PCDHA5: variants seen among roughly 807,000 people sequenced by gnomAD.
PCDHA5 encodes protocadherin alpha-5.
In PCDHA5, 43 loss-of-function variants were observed where a neutral mutation model predicts 61.6. The observed-to-expected ratio is 0.70, with a 90% CI of 0.55 to 0.90. The LOEUF is 0.90. PCDHA5 is among the 40% of genes least tolerant of loss of function. PCDHA5 has a pLI of 0.00. For missense variants in PCDHA5, 1,298 were observed against 1,222.7 expected (o/e 1.06, Z -0.92); for synonymous variants, 627 against 543.9 (o/e 1.15, Z -2.13).
chr5:140,959,373 C>CA lies in PCDHA5; in HGVS notation c.2353-19566dup, dbSNP rs1243465116. Among the ~76,000 whole-genome samples the CA allele has an allele frequency of 8.3e-3, 1,208 of 145,190 alleles. 7 individuals carry two copies. Among genetic ancestry groups the CA allele is most frequent in the Admixed American group, 0.016 (228 of 14,544 alleles). ...GGGACAACTGAGTGAGACCCTGTCT[C>CA]AAAAAAAAAAGTCACAAATTAAGAT... On this transcript the variant is annotated intron_variant, in intron 1 of 3. Coordinates refer to ENST00000529859, the MANE Select transcript of PCDHA5 (RefSeq NM_018908.3).
In PCDHA5 at chr5:140,824,072, C is replaced by T; in HGVS notation, c.2297C>T (p.Thr766Ile). 1 of 1,614,254 alleles carries T rather than the reference C, an allele frequency of 6.2e-7. No homozygotes were observed. The highest frequency in any genetic ancestry group is 8.5e-7 in the Non-Finnish European group (1 of 1,180,044). ...RVCSGEAPPK[T>I]DLMAFSPSLP... ...TGCTCTGGGGAAGCTCCACCCAAAA[C>T]AGACCTCATGGCCTTCAGTCCAAGC... Residue 766 changes from threonine to isoleucine, a missense_variant, in exon 1 of 4, where the codon ACA becomes ATA. Coordinates refer to ENST00000529859, the MANE Select transcript of PCDHA5 (RefSeq NM_018908.3).
At chr5:140,958,998 C>T (rs868985322) in intron 1 of PCDHA5, among the ~76,000 whole-genome samples, 5 of 151,906 alleles carry the variant, frequency 3.3e-5, no homozygotes, top group South Asian at 2.1e-4. Flanking sequence ...TAATCTTTTA[C>T]TGTACCTAAT....
At chr5:140,902,066 T>C (rs2069077660) in intron 1 of PCDHA5, among the ~76,000 whole-genome samples, 1 of 152,202 alleles carries the variant, frequency 6.6e-6, no homozygotes, top group Admixed American at 6.5e-5. Flanking sequence ...GCAACTTTAC[T>C]GAATTTATTG....
intron 1 of PCDHA5, chr5:140,870,601 G>A (rs1554164453): frequency 1.2e-6 from 2 of 1,613,228 alleles, no homozygotes; most frequent in Admixed American, 1.7e-5. Context: ...GCGGTTGGGC[G>A]ACCGCGCGCT....
At chr5:140,962,295 A>G (rs1215334325) in intron 1 of PCDHA5, among the ~76,000 whole-genome samples, 2 of 152,196 alleles carry the variant, frequency 1.3e-5, no homozygotes, top group African/African-American at 4.8e-5. Flanking sequence ...TTAATATTCT[A>G]TGATTCTTGT....
rs144574743 is a variant in PCDHA5, at chr5:140,848,603, G to C, written c.2352+24476G>C. ...GCGGCCAGCTCCACTACTCCGTCCCGGAGGAAGCCGAACACGGCACCTTCG... is the reference window on the plus strand; with the variant it reads ...GCGGCCAGCTCCACTACTCCGTCCCCGAGGAAGCCGAACACGGCACCTTCG... On this transcript the variant is annotated intron_variant, in intron 1 of 3. Transcript: ENST00000529859. 5,441 of 1,581,086 alleles carry C rather than the reference G, an allele frequency of 3.4e-3. 700 individuals are homozygous for C. Among genetic ancestry groups the C allele is most frequent in the Middle Eastern group, 0.011 (64 of 5,726 alleles).
At chr5:140,994,163 G>A (rs2097601451) in intron 3 of PCDHA5, among the ~76,000 whole-genome samples, 1 of 152,200 alleles carries the variant, frequency 6.6e-6, no homozygotes, top group African/African-American at 2.4e-5. Flanking sequence ...CAACGAAGGG[G>A]AAGGAAGCTG....
chr5:140,983,228 A>G (rs1012242202), intron 3 of PCDHA5, among the ~76,000 whole-genome samples: 1 of 152,240 alleles, frequency 6.6e-6, no homozygotes, highest in South Asian at 2.1e-4. Flanking sequence ...CCAAACTTTC[A>G]GGAAAGAGAA....
In PCDHA5 at chr5:140,848,769, C is replaced by A. The variant is rs2150419947; in HGVS notation, c.2352+24642C>A. On this transcript the variant is annotated intron_variant, in intron 1 of 3. Coordinates refer to ENST00000529859, the MANE Select transcript of PCDHA5 (RefSeq NM_018908.3). ...TTTGTTTGTGAATTCTCGGATCGAC[C>A]GCGAGGAGCTGTGCGGGCGGAGCGC... 9.6e-5 allele frequency: 153 copies of A among 1,593,410 alleles called. 12 individuals are homozygous for A. The Admixed American group carries it at 1.9e-3, about 20-fold the overall frequency.
intron 1 of PCDHA5, among the ~76,000 whole-genome samples, chr5:140,932,592 T>C (rs1435571468): frequency 7.2e-5 from 11 of 151,922 alleles, no homozygotes; most frequent in Non-Finnish European, 2.9e-5. Context: ...AGATGTTTTG[T>C]ATATCTATTT....
rs571034520 is a variant in PCDHA5 at position 140,922,140 on chromosome 5, A to G, written c.2353-56809A>G. ...CACCTTTAAATGTCTCTTATCCTCC[A>G]TGAAACTCATCAAAAACAACAAAAA... On this transcript the variant is annotated intron_variant, in intron 1 of 3. Coordinates refer to ENST00000529859, the MANE Select transcript of PCDHA5 (RefSeq NM_018908.3). Among the ~76,000 whole-genome samples the G allele has an allele frequency of 6.6e-5, 10 of 152,202 alleles. No individual in the cohort carries two copies. The East Asian group carries it at 1.9e-3, about 29-fold the overall frequency.
chr5:140,870,551 C>G (rs1554164401), intron 1 of PCDHA5: 11 of 1,614,022 alleles, frequency 6.8e-6, no homozygotes, highest in African/African-American at 1.3e-5. Flanking sequence ...GACGCGGACG[C>G]GCAGGAGAAC....
intron 1 of PCDHA5, among the ~76,000 whole-genome samples, chr5:140,846,109 A>C (rs1780201260): frequency 6.7e-6 from 1 of 149,748 alleles, no homozygotes; most frequent in Non-Finnish European, 1.5e-5. Context: ...TGTGTAGACT[A>C]TCTTACTTTG....
intron 1 of PCDHA5, chr5:140,884,666 A>C (rs1554181818): frequency 6.4e-7 from 1 of 1,571,180 alleles, no homozygotes; most frequent in African/African-American, 1.4e-5. Flanking sequence ...GAAAGAGGTA[A>C]GCTTATATTT....
chr5:140,877,867 T>A lies in PCDHA5; in HGVS notation c.2352+53740T>A, dbSNP rs782120587. 4.7e-6 allele frequency: 7 copies of A among 1,490,888 alleles called. No individual in the cohort carries two copies. The Admixed American group carries it at 1.7e-4, about 37-fold the overall frequency. 92.4% of individuals were successfully genotyped at this position (1,490,888 alleles called of 1,614,324 possible). A position where few individuals can be genotyped will look rare whatever the true frequency, so the allele number is the denominator to read the frequency against. On this transcript the variant is annotated intron_variant, in intron 1 of 3. Coordinates refer to ENST00000529859, the MANE Select transcript of PCDHA5 (RefSeq NM_018908.3). ...AAGTTATTAATATTATTTAGATATA[T>A]TTGTTTCCTTGAAGAACTTCCGTTT...
intron 1 of PCDHA5, chr5:140,876,720 G>C (rs781797133): frequency 2.5e-6 from 4 of 1,614,264 alleles, no homozygotes; most frequent in Non-Finnish European, 3.4e-6. Flanking sequence ...TGGACCGCGA[G>C]AGCGTGTCGG....
At chr5:140,898,408 G>A (rs1189859035) in intron 1 of PCDHA5, among the ~76,000 whole-genome samples, 7 of 152,096 alleles carry the variant, frequency 4.6e-5, no homozygotes, top group African/African-American at 9.7e-5. Flanking sequence ...TTCTACATAC[G>A]GCTAGCCAGT....
At position 140,838,280 on chromosome 5, in the gene PCDHA5, A is replaced by ATTTTTT. The variant is rs34299325; in HGVS notation, c.2352+14163_2352+14168dup. On this transcript the variant is annotated intron_variant, in intron 1 of 3. Transcript: ENST00000529859. ...AGACGCCAACAACCAAGCCATGCTA[A>ATTTTTT]TTTTTTTTTTTTTTTGTATTTTTAG... is the stretch of plus-strand genomic sequence containing the variant. 3.0e-3 allele frequency among the ~76,000 whole-genome samples: 422 copies of ATTTTTT among 139,576 alleles called. 11 individuals are homozygous for ATTTTTT. Among genetic ancestry groups the ATTTTTT allele is most frequent in the African/African-American group, 0.011 (409 of 36,774 alleles). The allele number at this position is 139,576 out of a possible 152,430, so 91.6% of individuals were successfully genotyped here.
chr5:140,898,547 A>C (rs1337213913), intron 1 of PCDHA5, among the ~76,000 whole-genome samples: 3 of 152,078 alleles, frequency 2.0e-5, no homozygotes, highest in Non-Finnish European at 4.4e-5. Flanking sequence ...CCATTTATCT[A>C]TGTCTCTGTT....
Sources: allele counts gnomAD v4.1 joint callset (sites outside exome capture counted in the v4.1 genomes callset), GRCh38; gene constraint gnomAD v4.1.1; transcripts MANE v1.5; gene names NCBI Gene and HGNC (gene_info 2026-07-23, HGNC 2026-07-21).